The following NCKAP5 variants were observed in gnomAD, a reference collection of about 807,000 sequenced individuals.
NCKAP5 encodes NCK associated protein 5, also known as nck-associated protein 5.
Under a neutral mutation model 167.0 loss-of-function variants are expected in NCKAP5, and 92 were observed. The observed-to-expected ratio is 0.55, with a 90% CI of 0.47 to 0.66. The LOEUF is 0.66. Among genes scored for constraint, NCKAP5 ranks in the 30% least tolerant of loss-of-function variants. NCKAP5 has a pLI of 0.00. For synonymous variants in NCKAP5, 891 were observed against 877.4 expected (o/e 1.02, Z -0.27); for missense variants, 2,378 against 2,315.0 (o/e 1.03, Z -0.56).
At chr2:133,401,118 G>T (rs1185956498) in intron 3 of NCKAP5, among the ~76,000 whole-genome samples, 2 of 152,122 alleles carry the variant, frequency 1.3e-5, no homozygotes, top group Non-Finnish European at 1.5e-5. Context: ...AATGAACAAC[G>T]ATTTAATCAA....
intron 16 of NCKAP5, 147 bp downstream of exon 16, chr2:132,773,669 G>A (rs1682289310): frequency 4.7e-6 from 3 of 643,030 alleles, no homozygotes; most frequent in South Asian, 2.2e-5. Flanking sequence ...AACGTCCAAT[G>A]TCTAAGGAGA....
At chr2:133,033,350 A>G (rs1341614490) in intron 6 of NCKAP5, among the ~76,000 whole-genome samples, 1 of 152,228 alleles carries the variant, frequency 6.6e-6, no homozygotes, top group African/African-American at 2.4e-5. Context: ...ACAACACCGA[A>G]GTCCTTTCAA....
intron 16 of NCKAP5, among the ~76,000 whole-genome samples, chr2:132,743,686 A>G (rs894265938): frequency 2.6e-5 from 4 of 151,746 alleles, no homozygotes; most frequent in African/African-American, 9.7e-5. Context: ...AACCATTTAG[A>G]TAATTACATA....
At chr2:133,624,247 C>A in the NCKAP5 span, among the ~76,000 whole-genome samples, 2 of 152,016 alleles carry the variant, frequency 1.3e-5, no homozygotes, top group African/African-American at 4.8e-5. Context: ...ATGTAACCAA[C>A]CACCACCCCA....
At chr2:133,180,672 G>A (rs1003535053) in intron 5 of NCKAP5, among the ~76,000 whole-genome samples, 1 of 152,100 alleles carries the variant, frequency 6.6e-6, no homozygotes, top group African/African-American at 2.4e-5. Context: ...AATAAAAACA[G>A]AAATGATAAA....
chr2:133,069,141 T>A (rs2080299543), intron 6 of NCKAP5, among the ~76,000 whole-genome samples: 1 of 152,180 alleles, frequency 6.6e-6, no homozygotes. Flanking sequence ...AATGGAGAGA[T>A]GGAAAATTAG....
chr2:133,426,054 G>A (rs1689774650), intron 3 of NCKAP5, among the ~76,000 whole-genome samples: 1 of 152,176 alleles, frequency 6.6e-6, no homozygotes, highest in Non-Finnish European at 1.5e-5. Flanking sequence ...GGAGGATCAC[G>A]AGGTCAGGAG....
intron 3 of NCKAP5, among the ~76,000 whole-genome samples, chr2:133,358,765 G>A (rs1330383292): frequency 6.6e-6 from 1 of 152,144 alleles, no homozygotes; most frequent in Non-Finnish European, 1.5e-5. Flanking sequence ...ATAAATGGCT[G>A]TTAACAAAAG....
At chr2:133,218,375 T>G (rs908231419) in intron 4 of NCKAP5, among the ~76,000 whole-genome samples, 1 of 152,190 alleles carries the variant, frequency 6.6e-6, no homozygotes, top group African/African-American at 2.4e-5. Flanking sequence ...CACATCCGCT[T>G]CAGCATTTAA....
intron 16 of NCKAP5, among the ~76,000 whole-genome samples, chr2:132,739,237 C>T (rs11689388): frequency 0.22 from 33,206 of 152,088 alleles, 3,908 homozygotes; most frequent in Non-Finnish European, 0.28. Context: ...TCTTTTCTTA[C>T]GGATCCAATT....
intron 19 of NCKAP5, among the ~76,000 whole-genome samples, chr2:132,683,662 G>T (rs536519987): frequency 1.3e-3 from 191 of 152,272 alleles, no homozygotes; most frequent in African/African-American, 4.5e-3. Flanking sequence ...CCTAATAGAT[G>T]GTATAGACAT....
chr2:133,259,922 A>C (rs1464578904), intron 4 of NCKAP5, among the ~76,000 whole-genome samples: 2 of 152,344 alleles, frequency 1.3e-5, no homozygotes, highest in African/African-American at 4.8e-5. Context: ...ACTGAGAAAA[A>C]AAGGCAGCTG....
At chr2:132,744,520 A>C (rs1342218945) in intron 16 of NCKAP5, among the ~76,000 whole-genome samples, 1 of 151,732 alleles carries the variant, frequency 6.6e-6, no homozygotes, top group Non-Finnish European at 1.5e-5. Context: ...AGCACAAATA[A>C]GACAGGCTTA....
intron 15 of NCKAP5, among the ~76,000 whole-genome samples, chr2:132,777,177 T>C (rs974752210): frequency 6.6e-6 from 1 of 152,186 alleles, no homozygotes; most frequent in East Asian, 1.9e-4. Context: ...CTCTAACTCT[T>C]GTCCATCTTT....
intron 19 of NCKAP5, among the ~76,000 whole-genome samples, chr2:132,724,460 G>C (rs1690248444): frequency 6.6e-6 from 1 of 152,118 alleles, no homozygotes; most frequent in South Asian, 2.1e-4. Flanking sequence ...TTGGGTGTGT[G>C]GCTGAGGGTT....
chr2:133,165,083 T>TG (rs79422528), intron 5 of NCKAP5, among the ~76,000 whole-genome samples: 65,979 of 151,896 alleles, frequency 0.43, 14,307 homozygotes, highest in East Asian at 0.57. Flanking sequence ...CAGCTGGGGA[T>TG]GGGAGGAGGT....
intron 3 of NCKAP5, among the ~76,000 whole-genome samples, chr2:133,351,475 T>C (rs1022157560): frequency 2.6e-5 from 4 of 152,306 alleles, no homozygotes; most frequent in Admixed American, 2.6e-4. Flanking sequence ...TATAAAAGTC[T>C]TATGAGGGTT....
chr2:133,544,341 A>C (rs1406755069), intron 2 of NCKAP5, among the ~76,000 whole-genome samples: 1 of 152,206 alleles, frequency 6.6e-6, no homozygotes, highest in Non-Finnish European at 1.5e-5. Flanking sequence ...GTAATCATGA[A>C]TATCTTCTTA....
intron 6 of NCKAP5, among the ~76,000 whole-genome samples, chr2:133,121,033 T>A (rs2082233912): frequency 6.6e-6 from 1 of 152,062 alleles, no homozygotes; most frequent in South Asian, 2.1e-4. Flanking sequence ...ACAAACAATG[T>A]CCCCTGGATA....
Sources: allele counts gnomAD v4.1 joint callset (sites outside exome capture counted in the v4.1 genomes callset), GRCh38; gene constraint gnomAD v4.1.1; transcripts MANE v1.5; gene names NCBI Gene and HGNC (gene_info 2026-07-23, HGNC 2026-07-21).